Variants in SORCS1 observed in about 807,000 individuals in gnomAD.
The protein encoded by SORCS1 is VPS10 domain-containing receptor SorCS1.
In SORCS1, 60 loss-of-function variants were observed where a neutral mutation model predicts 146.1. That is an observed-to-expected ratio of 0.41 (90% CI 0.33 to 0.51). SORCS1 has a LOEUF of 0.51. SORCS1 is among the 20% of genes least tolerant of loss of function. The pLI is 0.21. For missense variants in SORCS1, 1,352 were observed against 1,487.6 expected (o/e 0.91, Z 1.50); for synonymous variants, 637 against 584.0 (o/e 1.09, Z -1.31).
intron 5 of SORCS1, among the ~76,000 whole-genome samples, chr10:106,738,673 A>C (rs778951536): frequency 3.9e-5 from 6 of 152,206 alleles, no homozygotes; most frequent in Non-Finnish European, 8.8e-5. Flanking sequence ...AAAGAACTTC[A>C]GACTAGAGGG....
At chr10:106,825,574 G>GT (rs36111826) in intron 3 of SORCS1, among the ~76,000 whole-genome samples, 134 of 146,604 alleles carry the variant, frequency 9.1e-4, no homozygotes, top group Middle Eastern at 3.5e-3. Context: ...GCCCAGCCAA[G>GT]TTTTTTTTTT....
At chr10:106,639,237 G>A (rs1250232333) in intron 18 of SORCS1, among the ~76,000 whole-genome samples, 1 of 152,198 alleles carries the variant, frequency 6.6e-6, no homozygotes, top group African/African-American at 2.4e-5. Context: ...CCCTGATTCA[G>A]GGGTAGTGAC....
rs191498119 is a variant in SORCS1 at position 107,157,593 on chromosome 10, T to C, written c.558+6376A>G. The stretch of plus-strand genomic sequence containing the variant: ...AAAACATTCAGGAGTGCTATAGAAA[T>C]AGACACAATATCTTTCATATGTGTG... On this transcript the variant is annotated intron_variant, in intron 1 of 25. Coordinates refer to ENST00000263054, the MANE Select transcript of SORCS1 (RefSeq NM_052918.5). 2.4e-3 allele frequency among the ~76,000 whole-genome samples: 362 copies of C among 152,284 alleles called. 5 individuals are homozygous for C. Among genetic ancestry groups the C allele is most frequent in the Non-Finnish European group, 8.4e-4 (57 of 68,020 alleles).
the SORCS1 span, among the ~76,000 whole-genome samples, chr10:107,176,231 C>T: frequency 6.7e-6 from 1 of 149,674 alleles, no homozygotes; most frequent in Non-Finnish European, 1.5e-5. Flanking sequence ...CTTCCTCCCT[C>T]CTTCCCTGTT....
chr10:107,099,831 T>C (rs753028935), intron 1 of SORCS1, among the ~76,000 whole-genome samples: 1 of 152,256 alleles, frequency 6.6e-6, no homozygotes, highest in Non-Finnish European at 1.5e-5. Context: ...CCAGGCATTG[T>C]ACTTGAAGTA....
chr10:106,706,408 A>T (rs1854533241), intron 8 of SORCS1, 137 bp downstream of exon 8: 1 of 798,852 alleles, frequency 1.3e-6, no homozygotes, highest in Admixed American at 2.3e-5. Flanking sequence ...AAGGCAGAGC[A>T]AACTTGGGAA....
intron 1 of SORCS1, among the ~76,000 whole-genome samples, chr10:107,076,174 G>C (rs747839782): frequency 6.6e-6 from 1 of 151,944 alleles, no homozygotes; most frequent in Non-Finnish European, 1.5e-5. Context: ...CTAGGTTTTC[G>C]GCACCGTATT....
chr10:106,771,551 C>T (rs1860023938), intron 4 of SORCS1, among the ~76,000 whole-genome samples: 1 of 152,088 alleles, frequency 6.6e-6, no homozygotes, highest in South Asian at 2.1e-4. Flanking sequence ...GGGTAGAATG[C>T]TTGGTTTGCC....
chr10:107,054,662 C>T lies in SORCS1; in HGVS notation c.559-98082G>A, dbSNP rs12241484. ...CTGGGGCAGGCAGTGAAAAATGGGT[C>T]ATCTAAATGCTGTGAACTCTACTCC... On this transcript the variant is annotated intron_variant, in intron 1 of 25. Transcript: ENST00000263054. 3.1e-3 allele frequency among the ~76,000 whole-genome samples: 466 copies of T among 152,258 alleles called. 5 individuals carry two copies. The highest frequency in any genetic ancestry group is 0.011 in the African/African-American group (443 of 41,546).
intron 4 of SORCS1, among the ~76,000 whole-genome samples, chr10:106,763,965 G>A (rs1859347066): frequency 6.6e-6 from 1 of 152,140 alleles, no homozygotes; most frequent in South Asian, 2.1e-4. Flanking sequence ...GATGATAAAG[G>A]AAAAAGATAA....
At chr10:107,090,168 T>C (rs1964081378) in intron 1 of SORCS1, among the ~76,000 whole-genome samples, 1 of 152,158 alleles carries the variant, frequency 6.6e-6, no homozygotes, top group Admixed American at 6.5e-5. Flanking sequence ...TCACGATTCC[T>C]TGTACAGGGG....
In SORCS1 at chr10:106,772,911, T is replaced by A. The variant is rs749614655; in HGVS notation, c.885+3623A>T. 2.0e-5 allele frequency among the ~76,000 whole-genome samples: 3 copies of A among 152,138 alleles called. No individual in the cohort carries two copies. The South Asian group carries it at 6.2e-4, about 32-fold the overall frequency. On this transcript the variant is annotated intron_variant, in intron 4 of 25. Coordinates refer to ENST00000263054, the MANE Select transcript of SORCS1 (RefSeq NM_052918.5). ...AGCTCCAAACTCTGTCCTTAGGAGC[T>A]TAAAAGTCACATGCACTGAAGGAGA...
chr10:106,668,078 C>T (rs2135440820), intron 16 of SORCS1, among the ~76,000 whole-genome samples: 1 of 152,298 alleles, frequency 6.6e-6, no homozygotes, highest in South Asian at 2.1e-4. Context: ...AGATTGTGCT[C>T]TCATTAGAAC....
intron 1 of SORCS1, among the ~76,000 whole-genome samples, chr10:107,119,352 T>C (rs938757192): frequency 2.6e-5 from 4 of 152,152 alleles, no homozygotes; most frequent in African/African-American, 9.7e-5. Context: ...TCAGCTGAGG[T>C]ATTGCAACTA....
intron 18 of SORCS1, among the ~76,000 whole-genome samples, chr10:106,639,678 A>G (rs1181469715): frequency 6.6e-6 from 1 of 152,202 alleles, no homozygotes; most frequent in Non-Finnish European, 1.5e-5. Flanking sequence ...GGAATAACAT[A>G]GGAGAAAGCC....
Position 106,671,447 on chromosome 10 carries a change from A to T in SORCS1, c.2059-80T>A, listed in dbSNP as rs141825663. The T allele has an allele frequency of 2.8e-4, 441 of 1,568,980 alleles. 1 individual carries two copies. The African/African-American group carries it at 5.4e-3, about 19-fold the overall frequency. On this transcript the variant is annotated intron_variant, in intron 15 of 25. Coordinates refer to ENST00000263054, the MANE Select transcript of SORCS1 (RefSeq NM_052918.5). ...CTCCACATGAGTGACATTTAGGGAG[A>T]CATTTGCACATCTTAGTGTAATGTA...
intron 1 of SORCS1, among the ~76,000 whole-genome samples, chr10:107,009,672 C>T (rs7909306): frequency 0.049 from 7,410 of 152,130 alleles, 592 homozygotes; most frequent in African/African-American, 0.17. Context: ...CACCAAAATA[C>T]GCAAGATTTA....
chr10:106,934,459 C>T (rs1240902932), intron 2 of SORCS1, among the ~76,000 whole-genome samples: 1 of 151,972 alleles, frequency 6.6e-6, no homozygotes, highest in Non-Finnish European at 1.5e-5. Context: ...TGGGATTTCA[C>T]CGTGTTAGCC....
chr10:106,891,915 C>G (rs1385781640), intron 2 of SORCS1, among the ~76,000 whole-genome samples: 2 of 152,120 alleles, frequency 1.3e-5, no homozygotes, highest in African/African-American at 4.8e-5. Flanking sequence ...GGGTCCAGGG[C>G]TGGGGAGCAG....
Sources: gnomAD v4.1 joint callset for allele counts (sites outside exome capture counted in the v4.1 genomes callset) on GRCh38, gnomAD v4.1.1 for gene constraint, MANE v1.5 for transcripts, NCBI Gene and HGNC (gene_info 2026-07-23, HGNC 2026-07-21) for gene names.